The following GULP1 variants were observed in gnomAD, a reference collection of about 807,000 sequenced individuals.
GULP1 encodes GULP PTB domain containing engulfment adaptor 1.
Under a neutral mutation model 40.9 loss-of-function variants are expected in GULP1, and 19 were observed. The observed-to-expected ratio is 0.46, with a 90% CI of 0.32 to 0.68. The LOEUF is 0.68. GULP1 is among the 30% of genes least tolerant of loss of function. The pLI is 0.03. For missense variants in GULP1, 312 were observed against 362.2 expected, an observed-to-expected ratio of 0.86 and a Z score of 1.12; for synonymous variants, 119 against 117.6, an observed-to-expected ratio of 1.01 and a Z score of -0.08.
chr2:188,439,569 T>C lies in GULP1; in HGVS notation c.-44-38090T>C, dbSNP rs1008373324. ...AAAAGACTATGCATGTGTGTACACA[T>C]ATACACACATGCTACTGGTGTGTGT... On this transcript the variant is annotated intron_variant, in intron 2 of 11. Transcript: ENST00000409830. Among the ~76,000 whole-genome samples, 40 of 152,104 alleles carry C rather than the reference T, an allele frequency of 2.6e-4. 1 individual carries two copies. Among genetic ancestry groups the C allele is most frequent in the African/African-American group, 9.4e-4 (39 of 41,426 alleles).
At chr2:188,438,525 T>G (rs1199083224) in intron 2 of GULP1, among the ~76,000 whole-genome samples, 3 of 151,240 alleles carry the variant, frequency 2.0e-5, no homozygotes, top group Non-Finnish European at 4.4e-5. Flanking sequence ...AGTCTAATAA[T>G]TACAGTAAAA....
At chr2:188,427,432 T>A (rs1276493260) in intron 2 of GULP1, among the ~76,000 whole-genome samples, 2 of 152,210 alleles carry the variant, frequency 1.3e-5, no homozygotes, top group African/African-American at 4.8e-5. Flanking sequence ...GTGCAGCTCC[T>A]CCCATTACAG....
chr2:188,429,855 C>T (rs1330449537), intron 2 of GULP1, among the ~76,000 whole-genome samples: 2 of 150,964 alleles, frequency 1.3e-5, no homozygotes, highest in African/African-American at 2.5e-5. Flanking sequence ...GGACTACGGG[C>T]ACCTGCCACC....
At chr2:188,534,132 A>G (rs1325389919) in intron 6 of GULP1, among the ~76,000 whole-genome samples, 1 of 152,182 alleles carries the variant, frequency 6.6e-6, no homozygotes, top group Non-Finnish European at 1.5e-5. Flanking sequence ...GGTTGTATAT[A>G]CTTGGTATAT....
At chr2:188,503,720 T>C (rs959369406) in intron 4 of GULP1, among the ~76,000 whole-genome samples, 1 of 151,902 alleles carries the variant, frequency 6.6e-6, no homozygotes, top group African/African-American at 2.4e-5. Flanking sequence ...TAACCATAAC[T>C]AGACATGGAC....
intron 2 of GULP1, among the ~76,000 whole-genome samples, chr2:188,429,568 G>A (rs377319620): frequency 2.0e-5 from 3 of 152,106 alleles, no homozygotes; most frequent in African/African-American, 4.8e-5. Flanking sequence ...GTGTACCTAC[G>A]GGTCAAAGCC....
At chr2:188,588,183 G>A in intron 11 of GULP1, 2 of 492,384 alleles carry the variant, frequency 4.1e-6, no homozygotes, top group Non-Finnish European at 7.5e-6. Context: ...CAATAAGATG[G>A]TTCATTTTTT....
intron 5 of GULP1, among the ~76,000 whole-genome samples, chr2:188,527,930 G>A (rs901210568): frequency 1.3e-5 from 2 of 152,102 alleles, no homozygotes; most frequent in Non-Finnish European, 2.9e-5. Context: ...GGACTAGAAC[G>A]CTGTCTTGCA....
chr2:188,516,363 GTTTTGT>G (rs1335136896), intron 4 of GULP1, among the ~76,000 whole-genome samples: 3 of 151,636 alleles, frequency 2.0e-5, no homozygotes, highest in Admixed American at 6.6e-5. Flanking sequence ...ATATTTCTGG[GTTTTGT>G]TTTTGTTTTA....
intron 2 of GULP1, among the ~76,000 whole-genome samples, chr2:188,388,066 T>C (rs1434489888): frequency 6.8e-6 from 1 of 146,732 alleles, no homozygotes; most frequent in Non-Finnish European, 1.5e-5. Context: ...GAGTGTGATG[T>C]TCCCCTTCCT....
intron 9 of GULP1, among the ~76,000 whole-genome samples, chr2:188,577,308 GTATC>G (rs555398033): frequency 1.1e-3 from 163 of 152,184 alleles, no homozygotes; most frequent in East Asian, 4.4e-3. Flanking sequence ...GATAAACAAT[GTATC>G]TATTTATTTT....
At chr2:188,500,407 A>T (rs908013712) in intron 4 of GULP1, among the ~76,000 whole-genome samples, 8 of 151,908 alleles carry the variant, frequency 5.3e-5, no homozygotes, top group Non-Finnish European at 1.0e-4. Flanking sequence ...CCACAAATTG[A>T]GTGGCTTTAG....
At chr2:188,480,147 A>G (rs1245771297) in intron 3 of GULP1, among the ~76,000 whole-genome samples, 2 of 152,086 alleles carry the variant, frequency 1.3e-5, no homozygotes, top group African/African-American at 4.8e-5. Context: ...ACATTATTTC[A>G]TTAAATTTTA....
chr2:188,545,956 G>A (rs1420073090), intron 7 of GULP1, among the ~76,000 whole-genome samples: 1 of 151,716 alleles, frequency 6.6e-6, no homozygotes, highest in Admixed American at 6.6e-5. Context: ...AGATAAAGTA[G>A]ACCTCAAGGC....
chr2:188,318,037 T>C (rs565153330), intron 1 of GULP1, among the ~76,000 whole-genome samples: 57 of 152,230 alleles, frequency 3.7e-4, no homozygotes, highest in Non-Finnish European at 6.8e-4. Flanking sequence ...GTGAAAAAAC[T>C]TTTGATACCT....
At chr2:188,499,133 GTGTATATATATATATATA>G (rs1449682004) in intron 4 of GULP1, among the ~76,000 whole-genome samples, 6 of 120,716 alleles carry the variant, frequency 5.0e-5, no homozygotes, top group African/African-American at 1.3e-4. Flanking sequence ...ATATATGTGT[GTGTATATATATATATATA>G]TATATATATA....
intron 1 of GULP1, among the ~76,000 whole-genome samples, chr2:188,317,868 T>A (rs1165180355): frequency 6.6e-6 from 1 of 152,038 alleles, no homozygotes; most frequent in African/African-American, 2.4e-5. Context: ...AAAGTTTTTC[T>A]GAGAGTAAAA....
At position 188,534,042 on chromosome 2, in the gene GULP1, T is replaced by G. The variant is rs1490451960; in HGVS notation, c.261+4847T>G. ...ATACACTGTTGGTGGGAATGTAAATTCGTTCAGCTGCTGTGGAGAGCAGTT... is the reference window on the plus strand; with the variant it reads ...ATACACTGTTGGTGGGAATGTAAATGCGTTCAGCTGCTGTGGAGAGCAGTT... On this transcript the variant is annotated intron_variant, in intron 6 of 11. Transcript: ENST00000409830. 2.0e-5 allele frequency among the ~76,000 whole-genome samples: 3 copies of G among 152,174 alleles called. No homozygotes were observed. In the East Asian group the frequency reaches 5.8e-4, roughly 29 times the overall value.
intron 2 of GULP1, among the ~76,000 whole-genome samples, chr2:188,395,053 G>T (rs974035927): frequency 6.6e-6 from 1 of 152,188 alleles, no homozygotes; most frequent in African/African-American, 2.4e-5. Flanking sequence ...TAGAAACTGG[G>T]TGTGGCTAAA....
Sources: gnomAD v4.1 joint callset for allele counts (sites outside exome capture counted in the v4.1 genomes callset) on GRCh38, gnomAD v4.1.1 for gene constraint, MANE v1.5 for transcripts, NCBI Gene and HGNC (gene_info 2026-07-23, HGNC 2026-07-21) for gene names.